Variants in UGCG observed in about 807,000 individuals in gnomAD.
UGCG encodes the protein ceramide glucosyltransferase.
A neutral mutation model predicts 49.5 loss-of-function variants in UGCG; 10 were observed. The observed-to-expected ratio is 0.20, with a 90% CI of 0.12 to 0.34. The LOEUF is 0.34. Ranked by LOEUF, UGCG falls within the 10% of genes least tolerant of loss-of-function variation. UGCG has a pLI of 1.00. For synonymous variants in UGCG, 182 were observed against 158.2 expected (o/e 1.15, Z -1.13); for missense variants, 312 against 483.7 (o/e 0.65, Z 3.33).
chr9:111,921,665 T>C (rs1033072419), intron 2 of UGCG, among the ~76,000 whole-genome samples: 3 of 124,578 alleles, frequency 2.4e-5, no homozygotes, highest in Non-Finnish European at 3.4e-5. Context: ...AAAAAAAAAG[T>C]TGGGTTGTTA....
rs1350886774 is a variant in UGCG, at chr9:111,932,291, A to T, written c.946A>T (p.Met316Leu). Reference protein sequence around the residue: ...AAHHVFRWDIMVFFMCHCLAW... With the variant: ...AAHHVFRWDILVFFMCHCLAW... The stretch of plus-strand genomic sequence containing the variant: ...CCACCATGTGTTCAGATGGGATATT[A>T]TGGTATTTTTCATGTGTCATTGCCT... The change falls in exon 8 of 9, where the codon ATG becomes TTG. Residue 316 changes from methionine (M) to leucine (L), a missense_variant. Transcript: ENST00000374279. 3 of 1,613,990 alleles carry T rather than the reference A, an allele frequency of 1.9e-6. No individual in the cohort carries two copies. The highest frequency in any genetic ancestry group is 2.7e-5 in the African/African-American group (2 of 74,914).
intron 1 of UGCG, among the ~76,000 whole-genome samples, chr9:111,913,438 T>C (rs1041445169): frequency 6.6e-6 from 1 of 151,992 alleles, no homozygotes; most frequent in Admixed American, 6.6e-5. Context: ...TAGCATTGCT[T>C]CTTTCTTTTT....
intron 1 of UGCG, among the ~76,000 whole-genome samples, chr9:111,898,788 T>C (rs1837713412): frequency 6.6e-6 from 1 of 152,066 alleles, no homozygotes; most frequent in Admixed American, 6.6e-5. Context: ...ATCCTTCCAA[T>C]CTGTGTGTGT....
chr9:111,921,275 T>A (rs145446719), intron 2 of UGCG, among the ~76,000 whole-genome samples: 1 of 151,994 alleles, frequency 6.6e-6, no homozygotes, highest in Non-Finnish European at 1.5e-5. Flanking sequence ...TTACCACTTC[T>A]GGGGAAAAAA....
intron 2 of UGCG, chr9:111,915,053 T>G (rs1408767293): frequency 4.4e-6 from 1 of 227,668 alleles, no homozygotes; most frequent in African/African-American, 2.3e-5. Context: ...CCATAAGAGC[T>G]GGATATGAAC....
chr9:111,908,988 G>A (rs1337655107), intron 1 of UGCG, among the ~76,000 whole-genome samples: 1 of 152,052 alleles, frequency 6.6e-6, no homozygotes, highest in Non-Finnish European at 1.5e-5. Context: ...GTGCGATCTC[G>A]GCTCACTGCA....
At chr9:111,925,005 C>G (rs1219726568) in intron 4 of UGCG, 127 bp downstream of exon 4, 1 of 412,488 alleles carries the variant, frequency 2.4e-6, no homozygotes, top group African/African-American at 2.1e-5. Flanking sequence ...ATCATCATTT[C>G]ATGGTAATAT....
At chr9:111,931,193 T>G in intron 6 of UGCG, 78 bp from the exon 7 acceptor site, 1 of 1,402,326 alleles carries the variant, frequency 7.1e-7, no homozygotes, top group Non-Finnish European at 9.9e-7. Flanking sequence ...GTCTTTATAA[T>G]GATTACTGAA....
Position 111,897,137 on chromosome 9 carries a change from C to T in UGCG, c.-79C>T, listed in dbSNP as rs1459951769. On this transcript the variant is annotated 5_prime_UTR_variant, in exon 1 of 9. Transcript: ENST00000374279. ...GCCTCCCGCGCCCCCGCACCGGGCGCCCACCCTGTCCTCCTCCTGCGGGAG... is the reference window on the plus strand; with the variant it reads ...GCCTCCCGCGCCCCCGCACCGGGCGTCCACCCTGTCCTCCTCCTGCGGGAG... 2.3e-6 allele frequency: 3 copies of T among 1,324,754 alleles called. No homozygotes were observed. The highest frequency in any genetic ancestry group is 3.1e-6 in the Non-Finnish European group (3 of 979,358). 82.1% of individuals were successfully genotyped at this position (1,324,754 alleles called of 1,614,324 possible).
intron 2 of UGCG, among the ~76,000 whole-genome samples, chr9:111,920,936 TC>T (rs1427568568): frequency 6.6e-6 from 1 of 150,964 alleles, no homozygotes; most frequent in Admixed American, 6.6e-5. Context: ...GGAGTCTCGC[TC>T]TGTCGCCCAG....
chr9:111,902,502 G>GAT (rs1168639373), intron 1 of UGCG, among the ~76,000 whole-genome samples: 1 of 152,212 alleles, frequency 6.6e-6, no homozygotes, highest in Non-Finnish European at 1.5e-5. Context: ...AGTCATGAGT[G>GAT]ATAACAATAA....
At chr9:111,900,019 A>G (rs1260967448) in intron 1 of UGCG, among the ~76,000 whole-genome samples, 1 of 152,238 alleles carries the variant, frequency 6.6e-6, no homozygotes, top group African/African-American at 2.4e-5. Flanking sequence ...CATTCAGATT[A>G]GAGACATTTC....
chr9:111,907,796 T>G (rs1375184045), intron 1 of UGCG, among the ~76,000 whole-genome samples: 3 of 151,944 alleles, frequency 2.0e-5, no homozygotes, highest in Non-Finnish European at 2.9e-5. Context: ...GGCTAATTAT[T>G]TTTTGTATTT....
chr9:111,929,598 G>A lies in UGCG; in HGVS notation c.657G>A (p.Val219=), dbSNP rs775393281. The change falls in exon 6 of 9, where the codon GTG becomes GTA. Residue 219 remains valine (V), a synonymous_variant. Transcript: ENST00000374279. ...TGMSCLMRKD[V]LDQAGGLIAF... Reference sequence around the variant, plus strand: ...TGTCTTGTTTAATGAGAAAAGATGTGTTGGATCAAGCAGGAGGACTTATAG... The same window carrying A: ...TGTCTTGTTTAATGAGAAAAGATGTATTGGATCAAGCAGGAGGACTTATAG... The A allele has an allele frequency of 2.5e-6, 4 of 1,613,928 alleles. No homozygotes were observed. The highest frequency in any genetic ancestry group is 2.7e-5 in the African/African-American group (2 of 74,904).
chr9:111,926,689 G>A (rs933251733), intron 5 of UGCG, among the ~76,000 whole-genome samples, 193 bp downstream of exon 5: 30 of 152,074 alleles, frequency 2.0e-4, no homozygotes, highest in African/African-American at 6.8e-4. Context: ...GACCCTGACT[G>A]TACCCTGGCA....
chr9:111,916,464 T>C (rs1199608208), intron 2 of UGCG, among the ~76,000 whole-genome samples: 1 of 151,880 alleles, frequency 6.6e-6, no homozygotes, highest in Non-Finnish European at 1.5e-5. Flanking sequence ...GAAAGAATGG[T>C]TTTTTGTGTT....
intron 3 of UGCG, among the ~76,000 whole-genome samples, chr9:111,923,572 G>A (rs1838265575): frequency 6.6e-6 from 1 of 151,952 alleles, no homozygotes. Flanking sequence ...GGTCAGAGAT[G>A]CTCATTCTTC....
At chr9:111,932,514 T>A (rs960759435) in intron 8 of UGCG, among the ~76,000 whole-genome samples, 155 bp downstream of exon 8, 1 of 152,256 alleles carries the variant, frequency 6.6e-6, no homozygotes, top group Non-Finnish European at 1.5e-5. Context: ...AGTGGAATGT[T>A]GATGCAAAAC....
rs142331311 is a variant in UGCG at position 111,904,756 on chromosome 9, G to A, written c.98+7443G>A. ...GCTCGCCTGTAATCCCAGCTACTCC[G>A]GAGGCTGAGGCAGGAGAATCACTTG... is the stretch of plus-strand genomic sequence containing the variant. On this transcript the variant is annotated intron_variant, in intron 1 of 8. Coordinates refer to ENST00000374279, the MANE Select transcript of UGCG (RefSeq NM_003358.3). Among the ~76,000 whole-genome samples the A allele has an allele frequency of 4.0e-3, 608 of 152,260 alleles. 6 individuals are homozygous for A. Among genetic ancestry groups the A allele is most frequent in the African/African-American group, 0.014 (564 of 41,522 alleles).
Sources: gnomAD v4.1 joint callset for allele counts (sites outside exome capture counted in the v4.1 genomes callset) on GRCh38, gnomAD v4.1.1 for gene constraint, MANE v1.5 for transcripts, NCBI Gene and HGNC (gene_info 2026-07-23, HGNC 2026-07-21) for gene names.